OR6C1: variants seen among roughly 807,000 people sequenced by gnomAD.
The protein encoded by OR6C1 is olfactory receptor family 6 subfamily C member 1, also known as olfactory receptor 6C1.
For missense variants in OR6C1, 386 were observed against 366.1 expected (o/e 1.05, Z -0.44); for synonymous variants, 157 against 133.3 (o/e 1.18, Z -1.22).
At chr12:55,320,506 G>A (rs540365293) in intron 1 of OR6C1, 61 bp from the exon 2 acceptor site, 50 of 753,706 alleles carry the variant, frequency 6.6e-5, no homozygotes, top group South Asian at 2.7e-4. Context: ...CTCCAGCTCC[G>A]TACTTGGATA....
rs896416318 is a variant in OR6C1 at position 55,321,419 on chromosome 12, A to G, written c.820A>G (p.Ile274Val). 3 of 1,613,820 alleles carry G rather than the reference A, an allele frequency of 1.9e-6. No individual in the cohort carries two copies. The highest frequency in any genetic ancestry group is 2.5e-6 in the Non-Finnish European group (3 of 1,179,804). ...AGTGTCCTTGAGCAAGGGAGTGGCA[A>G]TACTAAACACCTCAGTAGCCCCCAT... is the stretch of plus-strand genomic sequence containing the variant. ...DRVSLSKGVA[I>V]LNTSVAPMMN... The change falls in exon 2 of 2, where the codon ATA becomes GTA. Residue 274 changes from isoleucine to valine, a missense_variant. Transcript: ENST00000642104.
intron 1 of OR6C1, among the ~76,000 whole-genome samples, chr12:55,317,162 T>C (rs1033198277): frequency 3.3e-5 from 5 of 151,960 alleles, no homozygotes; most frequent in Non-Finnish European, 7.4e-5. Context: ...TTGAATAAAA[T>C]TGAATCTTCA....
At position 55,320,687 on chromosome 12, in the gene OR6C1, C is replaced by T. The variant is rs1383771640; in HGVS notation, c.88C>T (p.Leu30Phe). 1.9e-6 allele frequency: 3 copies of T among 1,613,582 alleles called. No homozygotes were observed. The African/African-American group carries it at 4.0e-5, about 22-fold the overall frequency. ...NFQVVIFVFL[L>F]ITYMLSITGN... Reference sequence around the variant, plus strand: ...TCAGGTTGTAATCTTTGTCTTCCTGCTCATCACCTACATGCTCAGCATCAC... The same window carrying T: ...TCAGGTTGTAATCTTTGTCTTCCTGTTCATCACCTACATGCTCAGCATCAC... Residue 30 changes from leucine to phenylalanine, a missense_variant, in exon 2 of 2, where the codon CTC becomes TTC. Transcript: ENST00000642104.
At chr12:55,320,421 T>C (rs1565661858) in intron 1 of OR6C1, 146 bp from the exon 2 acceptor site, 1 of 565,580 alleles carries the variant, frequency 1.8e-6, no homozygotes, top group Non-Finnish European at 3.1e-6. Flanking sequence ...ACAGTGGAAA[T>C]TAAAGGACCA....
At chr12:55,319,918 A>C (rs1163590612) in intron 1 of OR6C1, among the ~76,000 whole-genome samples, 2 of 152,156 alleles carry the variant, frequency 1.3e-5, no homozygotes, top group African/African-American at 4.8e-5. Context: ...AGGGGCGTGG[A>C]TCACTGGAGG....
At chr12:55,317,150 T>C (rs558673270) in intron 1 of OR6C1, among the ~76,000 whole-genome samples, 1 of 152,022 alleles carries the variant, frequency 6.6e-6, no homozygotes, top group East Asian at 1.9e-4. Flanking sequence ...GTCAGTAAAT[T>C]GTTGAATAAA....
chr12:55,319,909 G>A (rs903352208), intron 1 of OR6C1, among the ~76,000 whole-genome samples: 5 of 152,200 alleles, frequency 3.3e-5, no homozygotes, highest in African/African-American at 4.8e-5. Context: ...GGGAGGCCAA[G>A]GGGCGTGGAT....
chr12:55,320,353 C>A (rs930894603), intron 1 of OR6C1, among the ~76,000 whole-genome samples: 7 of 152,124 alleles, frequency 4.6e-5, no homozygotes, highest in African/African-American at 1.7e-4. Flanking sequence ...CCACTTCCAA[C>A]TGTGATAACA....
At chr12:55,320,078 T>A (rs947329180) in intron 1 of OR6C1, among the ~76,000 whole-genome samples, 3 of 152,020 alleles carry the variant, frequency 2.0e-5, no homozygotes, top group South Asian at 2.1e-4. Flanking sequence ...GAGGCAGAGG[T>A]TGCAGTGAGC....
Position 55,320,876 on chromosome 12 carries a change from A to T in OR6C1, c.277A>T (p.Asn93Tyr), listed in dbSNP as rs1216912457. 6 of 1,613,996 alleles carry T rather than the reference A, an allele frequency of 3.7e-6. No individual in the cohort carries two copies. The Middle Eastern group carries it at 9.9e-4, about 266-fold the overall frequency. ...IISGDKTISF[N>Y]NCIVQLFFFI... ...TTCAGGAGATAAAACCATTTCCTTT[A>T]ATAATTGCATAGTTCAGTTATTTTT... Residue 93 changes from asparagine (N) to tyrosine (Y), a missense_variant, in exon 2 of 2, where the codon AAT becomes TAT. Asn to Tyr is a moderately radical substitution (Grantham distance 143, BLOSUM62 -2). Transcript: ENST00000642104.
chr12:55,319,204 C>T (rs748392604), intron 1 of OR6C1, among the ~76,000 whole-genome samples: 3 of 152,114 alleles, frequency 2.0e-5, no homozygotes, highest in Non-Finnish European at 4.4e-5. Flanking sequence ...GCTCTTCCAG[C>T]TTACATTATT....
chr12:55,317,264 C>G (rs1213894751), intron 1 of OR6C1, among the ~76,000 whole-genome samples: 1 of 151,794 alleles, frequency 6.6e-6, no homozygotes, highest in Non-Finnish European at 1.5e-5. Flanking sequence ...AAAATAAACC[C>G]TGATGAAATA....
chr12:55,319,619 A>T (rs973917279), intron 1 of OR6C1, among the ~76,000 whole-genome samples: 4 of 152,206 alleles, frequency 2.6e-5, no homozygotes, highest in African/African-American at 9.6e-5. Context: ...TACCCATAGG[A>T]TCACAGCAGG....
chr12:55,315,593 A>G (rs1489231596), intron 1 of OR6C1, among the ~76,000 whole-genome samples: 1 of 151,792 alleles, frequency 6.6e-6, no homozygotes, highest in Non-Finnish European at 1.5e-5. Context: ...ATCGAAAGGA[A>G]GAAATATAAA....
At chr12:55,315,243 C>T (rs1592261286) in intron 1 of OR6C1, among the ~76,000 whole-genome samples, 1 of 151,618 alleles carries the variant, frequency 6.6e-6, no homozygotes, top group Admixed American at 6.6e-5. Flanking sequence ...CACCCAAAGT[C>T]ACAAATCCAT....
intron 1 of OR6C1, among the ~76,000 whole-genome samples, chr12:55,316,428 T>C (rs949804992): frequency 2.0e-5 from 3 of 151,870 alleles, no homozygotes; most frequent in African/African-American, 7.2e-5. Flanking sequence ...AATAATTTGT[T>C]GCAGGAATCT....
Sources: allele counts gnomAD v4.1 joint callset (sites outside exome capture counted in the v4.1 genomes callset), GRCh38; gene constraint gnomAD v4.1.1; transcripts MANE v1.5; gene names NCBI Gene and HGNC (gene_info 2026-07-23, HGNC 2026-07-21).